Variants in KHDRBS3 observed in about 807,000 individuals in gnomAD.
KHDRBS3 encodes the protein KH domain-containing, RNA-binding, signal transduction-associated protein 3.
KHDRBS3 carries 23 observed loss-of-function variants against 45.6 expected under a neutral mutation model. The observed-to-expected ratio is 0.50, with a 90% CI of 0.36 to 0.72. The LOEUF (loss-of-function observed/expected upper bound fraction) is 0.72. KHDRBS3 is among the 30% of genes least tolerant of loss of function. The pLI, the probability that KHDRBS3 is intolerant of heterozygous loss-of-function variation, is 0.00. For synonymous variants in KHDRBS3, 162 were observed against 156.5 expected (o/e 1.04, Z -0.26); for missense variants, 352 against 424.8 (o/e 0.83, Z 1.51).
chr8:135,487,452 G>C (rs990765897), intron 1 of KHDRBS3, among the ~76,000 whole-genome samples: 1 of 152,152 alleles, frequency 6.6e-6, no homozygotes, highest in Non-Finnish European at 1.5e-5. Context: ...ATAGAGGAGA[G>C]GAGGGGAATA....
chr8:135,637,479 G>A (rs1332367658), intron 7 of KHDRBS3, among the ~76,000 whole-genome samples: 1 of 152,040 alleles, frequency 6.6e-6, no homozygotes, highest in East Asian at 1.9e-4. Flanking sequence ...ATTTTATCAT[G>A]ACGATTACAG....
chr8:135,525,362 C>T (rs570205336), intron 2 of KHDRBS3, among the ~76,000 whole-genome samples: 13 of 152,152 alleles, frequency 8.5e-5, no homozygotes, highest in African/African-American at 2.2e-4. Context: ...CAACTCTGAC[C>T]GTCTTTTCTA....
At chr8:135,516,570 T>TTGTGTG (rs56155377) in intron 1 of KHDRBS3, among the ~76,000 whole-genome samples, 23,660 of 148,782 alleles carry the variant, frequency 0.16, 1,891 homozygotes, top group South Asian at 0.23. Context: ...GTTTCTTACA[T>TTGTGTG]TGTGTGTGTG....
At chr8:135,646,859 C>T in intron 8 of KHDRBS3, 134 bp from the exon 9 acceptor site, 1 of 501,244 alleles carries the variant, frequency 2.0e-6, no homozygotes, top group Non-Finnish European at 3.6e-6. Flanking sequence ...GTTTGTTTTT[C>T]TTTTCAGTAC....
chr8:135,469,523 G>GTTTT (rs1821889086), intron 1 of KHDRBS3, among the ~76,000 whole-genome samples: 5 of 46,194 alleles, frequency 1.1e-4, no homozygotes, highest in African/African-American at 2.8e-4. Flanking sequence ...TTTTGTTTTG[G>GTTTT]TTTTTTTTTT....
downstream of KHDRBS3, among the ~76,000 whole-genome samples, chr8:135,649,153 GTAT>G (rs1173225863): frequency 1.1e-4 from 16 of 152,156 alleles, no homozygotes; most frequent in African/African-American, 3.6e-4. Context: ...TAAAGGAAAA[GTAT>G]TATTATTTTT....
rs1399317548 is a variant in KHDRBS3 at position 135,647,382 on chromosome 8, T to C, written c.*298T>C. 1 of 200,072 alleles carries C rather than the reference T, an allele frequency of 5.0e-6. No homozygotes were observed. Among genetic ancestry groups the C allele is most frequent in the East Asian group, 1.1e-4 (1 of 9,448 alleles). 12.4% of individuals were successfully genotyped at this position (200,072 alleles called of 1,614,324 possible). On this transcript the variant is annotated 3_prime_UTR_variant, in exon 9 of 9. Coordinates refer to ENST00000355849, the MANE Select transcript of KHDRBS3 (RefSeq NM_006558.3). ...TAGGTTTACTAAATATGTTAATCTA[T>C]TCTTTTAACATAAGCCTCACCTTTC...
At chr8:135,600,361 G>T (rs1240780370) in intron 6 of KHDRBS3, among the ~76,000 whole-genome samples, 5 of 152,188 alleles carry the variant, frequency 3.3e-5, no homozygotes, top group African/African-American at 1.2e-4. Flanking sequence ...AATTCTGAAT[G>T]ATTCTGATGA....
At chr8:135,581,604 T>G (rs1408741294) in intron 5 of KHDRBS3, among the ~76,000 whole-genome samples, 1 of 152,184 alleles carries the variant, frequency 6.6e-6, no homozygotes, top group Non-Finnish European at 1.5e-5. Context: ...TGGGTGCATG[T>G]GGCTTCTCCA....
At chr8:135,561,054 G>A (rs180807225) in intron 5 of KHDRBS3, among the ~76,000 whole-genome samples, 127 of 152,196 alleles carry the variant, frequency 8.3e-4, no homozygotes, top group African/African-American at 2.8e-3. Flanking sequence ...TTCTTGGTAC[G>A]TGTTTTCTCA....
At chr8:135,511,554 T>C (rs1040773014) in intron 1 of KHDRBS3, among the ~76,000 whole-genome samples, 6 of 151,948 alleles carry the variant, frequency 3.9e-5, no homozygotes, top group African/African-American at 1.5e-4. Context: ...TGTTTGTTGT[T>C]GTTGTTGTTG....
chr8:135,628,881 T>C (rs1226841377), intron 7 of KHDRBS3, among the ~76,000 whole-genome samples: 2 of 152,222 alleles, frequency 1.3e-5, no homozygotes, highest in Non-Finnish European at 2.9e-5. Context: ...GCAAGAACTT[T>C]CTGGCAGACC....
intron 2 of KHDRBS3, among the ~76,000 whole-genome samples, chr8:135,536,018 C>T (rs971977739): frequency 1.3e-5 from 2 of 151,976 alleles, no homozygotes; most frequent in Admixed American, 6.6e-5. Context: ...CTGTGAGTGC[C>T]TGGGGGTAGG....
intron 5 of KHDRBS3, among the ~76,000 whole-genome samples, chr8:135,581,157 G>T (rs1447228375): frequency 2.0e-5 from 3 of 152,314 alleles, no homozygotes; most frequent in East Asian, 3.9e-4. Context: ...ATCCAGATGA[G>T]GTCATCATGC....
intron 6 of KHDRBS3, among the ~76,000 whole-genome samples, chr8:135,597,761 G>A (rs1829038649): frequency 6.6e-6 from 1 of 152,072 alleles, no homozygotes; most frequent in South Asian, 2.1e-4. Context: ...AAAATCTGTA[G>A]CATGATGCAA....
chr8:135,460,952 G>A (rs1191100978), intron 1 of KHDRBS3, among the ~76,000 whole-genome samples: 2 of 152,168 alleles, frequency 1.3e-5, no homozygotes, highest in African/African-American at 4.8e-5. Flanking sequence ...ATGACAATAA[G>A]AGATATACTC....
chr8:135,522,919 C>T (rs934801556), intron 2 of KHDRBS3, among the ~76,000 whole-genome samples: 7 of 152,080 alleles, frequency 4.6e-5, no homozygotes, highest in Admixed American at 1.3e-4. Flanking sequence ...AAAGATGTTT[C>T]CCTCCACTGA....
At chr8:135,614,161 G>T (rs1181290230) in intron 7 of KHDRBS3, among the ~76,000 whole-genome samples, 1 of 151,826 alleles carries the variant, frequency 6.6e-6, no homozygotes, top group Non-Finnish European at 1.5e-5. Context: ...TTACTATGAA[G>T]AGAAATATAA....
chr8:135,640,341 G>A (rs1763598301), intron 7 of KHDRBS3, among the ~76,000 whole-genome samples: 1 of 152,158 alleles, frequency 6.6e-6, no homozygotes, highest in South Asian at 2.1e-4. Flanking sequence ...CAAATGTCAG[G>A]AGTTTCTTCT....
Sources: gnomAD v4.1 joint callset for allele counts (sites outside exome capture counted in the v4.1 genomes callset) on GRCh38, gnomAD v4.1.1 for gene constraint, MANE v1.5 for transcripts, NCBI Gene and HGNC (gene_info 2026-07-23, HGNC 2026-07-21) for gene names.